EIF2AK4: variants seen among roughly 807,000 people sequenced by gnomAD.
EIF2AK4 encodes the protein eIF-2-alpha kinase GCN2.
Under a neutral mutation model 211.1 loss-of-function variants are expected in EIF2AK4, and 139 were observed. The observed-to-expected ratio is 0.66, with a 90% CI of 0.57 to 0.76. The LOEUF (loss-of-function observed/expected upper bound fraction) is 0.76, where lower values mean the gene tolerates loss of function less well. Ranked by LOEUF, EIF2AK4 falls within the 30% of genes least tolerant of loss-of-function variation. The pLI, the probability that EIF2AK4 is intolerant of heterozygous loss-of-function variation, is 0.00. For missense variants in EIF2AK4, 1,664 were observed against 2,043.8 expected (o/e 0.81, Z 3.58); for synonymous variants, 710 against 751.3 (o/e 0.94, Z 0.90).
chr15:40,030,807 C>G (rs1193852410), intron 35 of EIF2AK4, among the ~76,000 whole-genome samples: 1 of 152,148 alleles, frequency 6.6e-6, no homozygotes, highest in African/African-American at 2.4e-5. Context: ...CTTCTCATTC[C>G]ATACATGGTT....
intron 18 of EIF2AK4, among the ~76,000 whole-genome samples, chr15:39,994,721 A>G (rs904626315): frequency 6.6e-6 from 1 of 152,210 alleles, no homozygotes; most frequent in African/African-American, 2.4e-5. Flanking sequence ...GACAGGGAGC[A>G]TTGGACAACA....
At chr15:39,999,188 G>A (rs1190963019) in intron 20 of EIF2AK4, among the ~76,000 whole-genome samples, 4 of 152,138 alleles carry the variant, frequency 2.6e-5, no homozygotes, top group African/African-American at 9.7e-5. Flanking sequence ...GATTATGGGG[G>A]AAGGGTTGCA....
At chr15:39,975,972 T>A (rs559125092) in intron 11 of EIF2AK4, among the ~76,000 whole-genome samples, 1 of 152,342 alleles carries the variant, frequency 6.6e-6, no homozygotes, top group African/African-American at 2.4e-5. Context: ...TCAGGTCTGT[T>A]AATATTTTTG....
chr15:39,934,394 TGG>T, intron 1 of EIF2AK4, 55 bp downstream of exon 1: 1 of 1,548,300 alleles, frequency 6.5e-7, no homozygotes. Flanking sequence ...CCCCGGGCCC[TGG>T]GCCAAAGCCC....
At chr15:39,934,552 G>A (rs573624393) in intron 1 of EIF2AK4, among the ~76,000 whole-genome samples, 29 of 152,282 alleles carry the variant, frequency 1.9e-4, no homozygotes, top group African/African-American at 6.7e-4. Flanking sequence ...CTTTCCCCAT[G>A]ATTTCCCCAG....
At chr15:39,990,435 C>G (rs2034927509) in intron 16 of EIF2AK4, 58 bp downstream of exon 16, 2 of 1,406,380 alleles carry the variant, frequency 1.4e-6, no homozygotes, top group East Asian at 2.3e-5. Context: ...CTTGATAATC[C>G]TGGAAGTGTT....
chr15:39,943,262 A>G (rs1194855039), intron 2 of EIF2AK4, 121 bp from the exon 3 acceptor site: 1 of 684,364 alleles, frequency 1.5e-6, no homozygotes, highest in Non-Finnish European at 2.3e-6. Context: ...GATATGGTTG[A>G]AGTCCCTTTG....
intron 16 of EIF2AK4, chr15:39,991,289 G>A (rs2034941592): frequency 6.6e-6 from 1 of 152,316 alleles, no homozygotes. Context: ...GTATATGGGA[G>A]AGTGCTGAGA....
Position 39,939,624 on chromosome 15 carries a change from A to G in EIF2AK4, c.257+7A>G. On this transcript the variant is annotated splice_region_variant and intron_variant, in intron 2 of 38. Coordinates refer to ENST00000263791, the MANE Select transcript of EIF2AK4 (RefSeq NM_001013703.4). ...CACCTACCTATCCAGATGTGTGAGT[A>G]CATTTATAAATAGCTTTGACGTGGT... The G allele has an allele frequency of 1.3e-6, 2 of 1,590,870 alleles. No homozygotes were observed. Among genetic ancestry groups the G allele is most frequent in the Non-Finnish European group, 1.7e-6 (2 of 1,166,162 alleles).
chr15:40,034,237 A>G, intron 37 of EIF2AK4, 89 bp from the exon 38 acceptor site: 1 of 953,622 alleles, frequency 1.0e-6, no homozygotes, highest in Non-Finnish European at 1.6e-6. Flanking sequence ...GAAGAGGGAA[A>G]TGACACTGGA....
At chr15:39,964,613 T>G (rs568336830) in intron 7 of EIF2AK4, among the ~76,000 whole-genome samples, 1 of 152,186 alleles carries the variant, frequency 6.6e-6, no homozygotes, top group Non-Finnish European at 1.5e-5. Context: ...TGGTAAATTA[T>G]GGGGTAAAGG....
chr15:40,022,532 T>G lies in EIF2AK4; in HGVS notation c.4316T>G (p.Leu1439Ter). Residue 1439 changes from leucine to a stop codon, truncating the protein, a stop_gained, in exon 32 of 39, where the codon TTA becomes TGA. Transcript: ENST00000263791. LOFTEE classifies it high-confidence loss of function. ...TGTTTGTTTCAGTCCCAAGAGGAATTACAAGAGTACTGCAGACATCATGAA... is the reference window on the plus strand; with the variant it reads ...TGTTTGTTTCAGTCCCAAGAGGAATGACAAGAGTACTGCAGACATCATGAA... ...MYDWSQSQEE[L>*]QEYCRHHEIT... 6.2e-7 allele frequency: 1 copy of G among 1,614,112 alleles called. No individual in the cohort carries two copies. Among genetic ancestry groups the G allele is most frequent in the Non-Finnish European group, 8.5e-7 (1 of 1,179,972 alleles).
At chr15:40,009,439 T>G (rs1348805636) in intron 25 of EIF2AK4, among the ~76,000 whole-genome samples, 175 bp from the exon 26 acceptor site, 1 of 151,808 alleles carries the variant, frequency 6.6e-6, no homozygotes. Flanking sequence ...TAGAGTATAC[T>G]CTGACTATAA....
At chr15:39,974,637 A>G (rs757046181) in intron 11 of EIF2AK4, 1 of 152,250 alleles carries the variant, frequency 6.6e-6, no homozygotes, top group Non-Finnish European at 1.5e-5. Flanking sequence ...CTTTAACACA[A>G]TATCATTTTG....
At chr15:39,987,569 T>C (rs2034883255) in intron 14 of EIF2AK4, among the ~76,000 whole-genome samples, 1 of 152,220 alleles carries the variant, frequency 6.6e-6, no homozygotes, top group Admixed American at 6.5e-5. Context: ...TTCTCTAAAC[T>C]TGAAGGTCAT....
chr15:40,034,891 T>C (rs949476207), intron 38 of EIF2AK4, 136 bp from the exon 39 acceptor site: 8 of 605,972 alleles, frequency 1.3e-5, no homozygotes, highest in African/African-American at 5.5e-5. Flanking sequence ...ATAAAACCTA[T>C]ATAATTTTTT....
At chr15:40,022,657 A>AG in intron 32 of EIF2AK4, 52 bp downstream of exon 32, 1 of 1,548,558 alleles carries the variant, frequency 6.5e-7, no homozygotes, top group Non-Finnish European at 8.9e-7. Flanking sequence ...TTACCTGTGG[A>AG]GCACCTGCCT....
chr15:40,010,897 G>A (rs570272779), intron 26 of EIF2AK4, among the ~76,000 whole-genome samples: 4 of 152,190 alleles, frequency 2.6e-5, no homozygotes, highest in South Asian at 2.1e-4. Flanking sequence ...CATGTCCTGC[G>A]GCTACGGCAC....
At chr15:39,978,270 A>G (rs1371275305) in intron 13 of EIF2AK4, 123 bp downstream of exon 13, 1 of 456,886 alleles carries the variant, frequency 2.2e-6, no homozygotes, top group Non-Finnish European at 3.8e-6. Context: ...CATAAATTTT[A>G]AAAGATGATT....
Sources: allele counts gnomAD v4.1 joint callset (sites outside exome capture counted in the v4.1 genomes callset), GRCh38; gene constraint gnomAD v4.1.1; transcripts MANE v1.5; gene names NCBI Gene and HGNC (gene_info 2026-07-23, HGNC 2026-07-21).